Variants in ATP2B2 observed in about 807,000 individuals in gnomAD.
ATP2B2 encodes the protein ATPase plasma membrane Ca2+ transporting 2.
In ATP2B2, 15 loss-of-function variants were observed where a neutral mutation model predicts 120.0. The observed-to-expected ratio is 0.12, with a 90% CI of 0.08 to 0.19. ATP2B2 has a LOEUF of 0.19. ATP2B2 is among the 10% of genes least tolerant of loss of function. The pLI, the probability that ATP2B2 is intolerant of heterozygous loss-of-function variation, is 1.00. For synonymous variants in ATP2B2, 694 were observed against 700.3 expected (o/e 0.99, Z 0.14); for missense variants, 1,045 against 1,719.8 (o/e 0.61, Z 6.94).
At chr3:10,563,078 T>A (rs1327512437) in intron 2 of ATP2B2, among the ~76,000 whole-genome samples, 1 of 152,252 alleles carries the variant, frequency 6.6e-6, no homozygotes, top group Non-Finnish European at 1.5e-5. Context: ...AAGTCCTTTC[T>A]GTTTTTCCTT....
intron 1 of ATP2B2, among the ~76,000 whole-genome samples, chr3:10,704,345 G>T (rs139238947): frequency 6.6e-6 from 1 of 152,212 alleles, no homozygotes; most frequent in East Asian, 1.9e-4. Flanking sequence ...TCTTCTCTCT[G>T]CCCTATCCAT....
chr3:10,514,006 TTC>T (rs1262285824), intron 3 of ATP2B2, among the ~76,000 whole-genome samples: 2 of 152,184 alleles, frequency 1.3e-5, no homozygotes, highest in African/African-American at 4.8e-5. Flanking sequence ...ACATGCCAGG[TTC>T]TGTTTGTTCT....
intron 2 of ATP2B2, among the ~76,000 whole-genome samples, chr3:10,618,084 T>C (rs2125619698): frequency 6.6e-6 from 1 of 152,302 alleles, no homozygotes; most frequent in Admixed American, 6.5e-5. Context: ...GAAGTGAAAC[T>C]ATGAATACAT....
chr3:10,682,899 A>G (rs1410502239), intron 1 of ATP2B2, among the ~76,000 whole-genome samples: 1 of 152,224 alleles, frequency 6.6e-6, no homozygotes, highest in African/African-American at 2.4e-5. Flanking sequence ...TAACCAAAGA[A>G]CAAAGGTCAG....
At chr3:10,658,472 T>A (rs2070696097) in intron 1 of ATP2B2, among the ~76,000 whole-genome samples, 1 of 152,102 alleles carries the variant, frequency 6.6e-6, no homozygotes, top group African/African-American at 2.4e-5. Context: ...GCCGATTTGA[T>A]CAACTGGAAG....
chr3:10,639,737 C>G (rs767953037), intron 1 of ATP2B2, among the ~76,000 whole-genome samples: 1 of 152,064 alleles, frequency 6.6e-6, no homozygotes, highest in East Asian at 1.9e-4. Context: ...CAGTGGAGGC[C>G]GGTGACTGCT....
At chr3:10,490,689 G>A (rs553024103) in intron 1 of ATP2B2, among the ~76,000 whole-genome samples, 9 of 152,198 alleles carry the variant, frequency 5.9e-5, no homozygotes, top group South Asian at 2.1e-4. Context: ...GTGAGCCACC[G>A]CGCCCAGCAA....
intron 1 of ATP2B2, among the ~76,000 whole-genome samples, chr3:10,478,472 A>G (rs931616877): frequency 2.6e-5 from 4 of 152,054 alleles, no homozygotes; most frequent in African/African-American, 7.2e-5. Context: ...GCTTTCCCCT[A>G]TGTCTTCTGT....
At position 10,663,517 on chromosome 3, in the gene ATP2B2, C is replaced by G. The variant is rs184944455; in HGVS notation, c.-459-43556G>C. Among the ~76,000 whole-genome samples, 193 of 152,254 alleles carry G rather than the reference C, an allele frequency of 1.3e-3. 2 individuals are homozygous for G. Among genetic ancestry groups the G allele is most frequent in the African/African-American group, 4.2e-3 (174 of 41,550 alleles). On this transcript the variant is annotated intron_variant, in intron 1 of 21. Transcript: ENST00000646379. ...GTCACATTTCAGCAGTGGTCCAGCC[C>G]AGGGACCCATACCCACCAGTCACTT...
rs570242142 is a variant in ATP2B2, at chr3:10,693,415, G to A, written c.-460+14500C>T. On this transcript the variant is annotated intron_variant, in intron 1 of 21. Transcript: ENST00000646379. ...GTGACAGGCCTGCTCTGGTGTGGGA[G>A]CACTGCAAGGAACAAAAAAGACAAA... 5.3e-5 allele frequency among the ~76,000 whole-genome samples: 8 copies of A among 152,326 alleles called. No individual in the cohort carries two copies. In the East Asian group the frequency reaches 1.5e-3, roughly 29 times the overall value.
intron 1 of ATP2B2, among the ~76,000 whole-genome samples, chr3:10,681,905 A>C (rs1214580021): frequency 1.3e-5 from 2 of 152,228 alleles, no homozygotes; most frequent in East Asian, 3.8e-4. Flanking sequence ...TAGAGAATTC[A>C]TGATGTTCAG....
At position 10,358,734 on chromosome 3, in the gene ATP2B2, G is replaced by C; in HGVS notation, c.2093C>G (p.Thr698Ser). ...DNENDILNEL[T>S]CICVVGIEDP... Reference sequence around the variant, plus strand: ...CTCGATGCCCACCACGCAGATGCAGGTGAGTTCGTTGAGGATGTCATTCTC... The same window carrying C: ...CTCGATGCCCACCACGCAGATGCAGCTGAGTTCGTTGAGGATGTCATTCTC... The change falls in exon 14 of 23, where the codon ACC (threonine) becomes AGC (serine). Residue 698 changes from threonine to serine, a missense_variant. This residue lies in a region of ATP2B2 where 343 missense variants were observed against 536.8 expected (regional missense o/e 0.64). Transcript: ENST00000360273. 1 of 1,614,228 alleles carries C rather than the reference G, an allele frequency of 6.2e-7. No homozygotes were observed. The highest frequency in any genetic ancestry group is 8.5e-7 in the Non-Finnish European group (1 of 1,180,042).
intron 11 of ATP2B2, among the ~76,000 whole-genome samples, chr3:10,373,432 C>G (rs1003339912): frequency 6.6e-6 from 1 of 152,146 alleles, no homozygotes; most frequent in African/African-American, 2.4e-5. Flanking sequence ...CCTTACTATC[C>G]AATACGGTAG....
At chr3:10,518,353 G>A (rs924701241) in intron 3 of ATP2B2, among the ~76,000 whole-genome samples, 1 of 152,140 alleles carries the variant, frequency 6.6e-6, no homozygotes, top group Non-Finnish European at 1.5e-5. Flanking sequence ...ATGCGGACTC[G>A]CGTCTGCCTT....
intron 1 of ATP2B2, among the ~76,000 whole-genome samples, chr3:10,479,824 G>T (rs1295704740): frequency 6.6e-6 from 1 of 152,178 alleles, no homozygotes; most frequent in African/African-American, 2.4e-5. Context: ...GGCTGGGCTT[G>T]GTGGCTCATG....
At chr3:10,358,954 G>T in intron 13 of ATP2B2, 29 bp from the exon 14 acceptor site, 2 of 1,606,840 alleles carry the variant, frequency 1.2e-6, no homozygotes, top group South Asian at 2.2e-5. Flanking sequence ...GAGATGGGGA[G>T]CCCAGGGAAT....
At chr3:10,702,768 G>C (rs76887942) in intron 1 of ATP2B2, among the ~76,000 whole-genome samples, 1 of 152,136 alleles carries the variant, frequency 6.6e-6, no homozygotes, top group East Asian at 1.9e-4. Context: ...TTATGTTACA[G>C]TGTCACAGTA....
intron 1 of ATP2B2, among the ~76,000 whole-genome samples, chr3:10,450,368 G>A (rs749380256): frequency 4.0e-5 from 6 of 151,778 alleles, no homozygotes; most frequent in Admixed American, 2.0e-4. Context: ...CACGCCCCAT[G>A]CCCAAATAAT....
At chr3:10,415,935 G>A (rs992268659) in intron 2 of ATP2B2, among the ~76,000 whole-genome samples, 5 of 152,170 alleles carry the variant, frequency 3.3e-5, no homozygotes, top group African/African-American at 4.8e-5. Flanking sequence ...TTTGGTCTTT[G>A]TTCTACCACT....
Sources: gnomAD v4.1 joint callset for allele counts (sites outside exome capture counted in the v4.1 genomes callset) on GRCh38, gnomAD v4.1.1 for gene constraint, gnomAD v4.1.1 regional missense constraint, MANE v1.5 for transcripts, NCBI Gene and HGNC (gene_info 2026-07-23, HGNC 2026-07-21) for gene names.